TMC1: variants seen among roughly 807,000 people sequenced by gnomAD.
TMC1 encodes transmembrane channel like 1.
In TMC1, 84 loss-of-function variants were observed where a neutral mutation model predicts 105.8. The ratio of observed to expected loss-of-function variants is 0.79; its 90% CI spans 0.67 to 0.95. The LOEUF is 0.95. Among genes scored for constraint, TMC1 ranks in the 40% least tolerant of loss-of-function variants. The pLI is 0.00. For synonymous variants in TMC1, 315 were observed against 311.5 expected (o/e 1.01, Z -0.12); for missense variants, 817 against 914.1 (o/e 0.89, Z 1.37).
At chr9:72,748,525 CTAT>C (rs754836620) in intron 10 of TMC1, among the ~76,000 whole-genome samples, 23 of 151,736 alleles carry the variant, frequency 1.5e-4, no homozygotes, top group Non-Finnish European at 2.5e-4. Flanking sequence ...GATATACTAG[CTAT>C]TATTATTATT....
intron 2 of TMC1, among the ~76,000 whole-genome samples, chr9:72,600,368 T>C (rs1052498801): frequency 1.3e-5 from 2 of 152,142 alleles, no homozygotes; most frequent in African/African-American, 2.4e-5. Flanking sequence ...TGTGACAGGA[T>C]TGTGTATGGA....
At chr9:72,793,411 G>T (rs1206026832) in intron 17 of TMC1, among the ~76,000 whole-genome samples, 1 of 152,150 alleles carries the variant, frequency 6.6e-6, no homozygotes, top group East Asian at 1.9e-4. Context: ...TTGCTGTTTG[G>T]TTGACTTGGC....
chr9:72,603,419 A>C (rs1285861852), intron 2 of TMC1, among the ~76,000 whole-genome samples: 2 of 145,118 alleles, frequency 1.4e-5, no homozygotes, highest in Non-Finnish European at 3.0e-5. Flanking sequence ...ACACACACAC[A>C]CACCACACTC....
intron 4 of TMC1, among the ~76,000 whole-genome samples, chr9:72,634,772 C>T (rs1041900514): frequency 8.5e-5 from 13 of 152,246 alleles, no homozygotes; most frequent in Middle Eastern, 3.4e-3. Flanking sequence ...GAATGGTTCA[C>T]GGAACTCAGA....
chr9:72,542,177 A>G (rs1823689462), intron 1 of TMC1, among the ~76,000 whole-genome samples: 1 of 151,888 alleles, frequency 6.6e-6, no homozygotes, highest in African/African-American at 2.4e-5. Flanking sequence ...CACACAAAAA[A>G]GGGCCCGGCG....
chr9:72,652,482 G>T (rs1825828568), intron 5 of TMC1, among the ~76,000 whole-genome samples: 1 of 144,384 alleles, frequency 6.9e-6, no homozygotes, highest in Admixed American at 6.9e-5. Flanking sequence ...ATAAGCCCAT[G>T]GAAGAAACAG....
chr9:72,791,831 GCAA>G, intron 15 of TMC1, 52 bp from the exon 16 acceptor site: 2 of 1,511,666 alleles, frequency 1.3e-6, no homozygotes, highest in Non-Finnish European at 9.2e-7. Flanking sequence ...CTGGCAAAAA[GCAA>G]TAATAACTTT....
In TMC1 at chr9:72,816,220, C is replaced by A; in HGVS notation, c.1763+10C>A. On this transcript the variant is annotated intron_variant, in intron 19 of 23. Coordinates refer to ENST00000297784, the MANE Select transcript of TMC1 (RefSeq NM_138691.3). Reference sequence around the variant, plus strand: ...ACCAAGGCATGATCTGGTAGGCCAGCTGTTGGACAGCTTATCACTTACAGA... The same window carrying A: ...ACCAAGGCATGATCTGGTAGGCCAGATGTTGGACAGCTTATCACTTACAGA... 1 of 1,612,800 alleles carries A rather than the reference C, an allele frequency of 6.2e-7. No individual in the cohort carries two copies. The highest frequency in any genetic ancestry group is 8.5e-7 in the Non-Finnish European group (1 of 1,178,830).
chr9:72,574,597 G>A (rs1824343512), intron 1 of TMC1, among the ~76,000 whole-genome samples: 1 of 152,160 alleles, frequency 6.6e-6, no homozygotes, highest in African/African-American at 2.4e-5. Flanking sequence ...AATGTCAGAG[G>A]GCGATTGTAA....
intron 4 of TMC1, among the ~76,000 whole-genome samples, chr9:72,642,377 G>A (rs1457418402): frequency 6.6e-6 from 1 of 152,172 alleles, no homozygotes; most frequent in African/African-American, 2.4e-5. Context: ...TTCATGACTA[G>A]GGAACAGATT....
intron 8 of TMC1, among the ~76,000 whole-genome samples, chr9:72,712,500 T>G (rs1826852701): frequency 6.6e-6 from 1 of 152,194 alleles, no homozygotes; most frequent in African/African-American, 2.4e-5. Flanking sequence ...GTAAGTTAGA[T>G]TCCTAGGTAT....
chr9:72,748,360 A>G (rs1827527216), intron 10 of TMC1, among the ~76,000 whole-genome samples: 1 of 152,196 alleles, frequency 6.6e-6, no homozygotes, highest in Non-Finnish European at 1.5e-5. Context: ...AATGTTACCT[A>G]TTATTAATCA....
At chr9:72,709,011 G>A (rs554613175) in intron 8 of TMC1, among the ~76,000 whole-genome samples, 7 of 114,968 alleles carry the variant, frequency 6.1e-5, no homozygotes, top group East Asian at 2.2e-4. Flanking sequence ...TTTTTTTTTC[G>A]GGGGGGTGGG....
intron 6 of TMC1, among the ~76,000 whole-genome samples, chr9:72,689,805 TC>T (rs1204854850): frequency 2.0e-5 from 3 of 152,158 alleles, no homozygotes; most frequent in Non-Finnish European, 4.4e-5. Context: ...CATTTTCCGT[TC>T]CTTCACTTTC....
intron 18 of TMC1, among the ~76,000 whole-genome samples, chr9:72,814,861 G>A (rs566521030): frequency 6.8e-5 from 10 of 146,888 alleles, no homozygotes; most frequent in African/African-American, 2.5e-4. Context: ...TGAGTTCTTG[G>A]GTTTGGGAGG....
intron 2 of TMC1, among the ~76,000 whole-genome samples, chr9:72,590,243 A>C (rs1332064787): frequency 6.6e-6 from 1 of 152,204 alleles, no homozygotes; most frequent in Non-Finnish European, 1.5e-5. Context: ...CTTCTCCCAC[A>C]CACTTGCCCT....
intron 5 of TMC1, among the ~76,000 whole-genome samples, chr9:72,680,670 G>T (rs1002652377): frequency 2.0e-5 from 3 of 151,848 alleles, no homozygotes; most frequent in African/African-American, 7.3e-5. Context: ...CTCTTCTGTT[G>T]TAGCCCCTCC....
intron 2 of TMC1, among the ~76,000 whole-genome samples, chr9:72,611,649 T>C (rs1334551086): frequency 6.6e-6 from 1 of 151,882 alleles, no homozygotes; most frequent in African/African-American, 2.4e-5. Context: ...ATGGTAAGAG[T>C]AGGCTTGAGG....
chr9:72,686,686 C>A (rs1026243712), intron 5 of TMC1, among the ~76,000 whole-genome samples: 1 of 152,080 alleles, frequency 6.6e-6, no homozygotes, highest in Non-Finnish European at 1.5e-5. Context: ...GACTGTTCCA[C>A]GATCAGACAA....
Sources: gnomAD v4.1 joint callset for allele counts (sites outside exome capture counted in the v4.1 genomes callset) on GRCh38, gnomAD v4.1.1 for gene constraint, MANE v1.5 for transcripts, NCBI Gene and HGNC (gene_info 2026-07-23, HGNC 2026-07-21) for gene names.